Variants in DHRS7 observed in about 807,000 individuals in gnomAD.
DHRS7 encodes dehydrogenase/reductase SDR family member 7.
DHRS7 carries 34 observed loss-of-function variants against 38.9 expected under a neutral mutation model. That is an observed-to-expected ratio of 0.87 (90% CI 0.66 to 1.16). DHRS7 has a LOEUF of 1.16. Ranked by LOEUF, DHRS7 falls within the 50% of genes most tolerant of loss-of-function variation. DHRS7 has a pLI of 0.00. For missense variants in DHRS7, 421 were observed against 407.0 expected, an observed-to-expected ratio of 1.03 and a Z score of -0.30; for synonymous variants, 158 against 153.1, an observed-to-expected ratio of 1.03 and a Z score of -0.24.
intron 1 of DHRS7, chr14:60,159,465 T>C (rs1238754170): frequency 5.1e-6 from 1 of 197,178 alleles, no homozygotes; most frequent in Non-Finnish European, 1.1e-5. Context: ...TAGGCAACAT[T>C]CATAGCATAA....
At position 60,161,253 on chromosome 14, in the gene DHRS7, A is replaced by G. The variant is rs1018595381; in HGVS notation, c.133+3924T>C. ...TCCACTAATATAGCTTATGGTTATTAGAGCTGGGCTACCTTTAATCATGGA... is the reference window on the plus strand; with the variant it reads ...TCCACTAATATAGCTTATGGTTATTGGAGCTGGGCTACCTTTAATCATGGA... On this transcript the variant is annotated intron_variant, in intron 1 of 6. Coordinates refer to ENST00000557185, the MANE Select transcript of DHRS7 (RefSeq NM_016029.4). The surrounding 1 kb of genome is among the most constrained non-coding windows in gnomAD (Gnocchi z 4.2). Among the ~76,000 whole-genome samples the G allele has an allele frequency of 6.6e-6, 1 of 152,372 alleles. No homozygotes were observed. Among genetic ancestry groups the G allele is most frequent in the African/African-American group, 2.4e-5 (1 of 41,600 alleles).
In DHRS7 at chr14:60,165,156, G is replaced by A; in HGVS notation, c.133+21C>T. ...TCCGAGCCCGGCCTCCCACTCGGGAGAGGCTTTGGCCGGTCCTCACCTGGG... is the reference window on the plus strand; with the variant it reads ...TCCGAGCCCGGCCTCCCACTCGGGAAAGGCTTTGGCCGGTCCTCACCTGGG... On this transcript the variant is annotated intron_variant, in intron 1 of 6. Coordinates refer to ENST00000557185, the MANE Select transcript of DHRS7 (RefSeq NM_016029.4). This position sits in a 1 kb window ranked among gnomAD's most constrained non-coding sequence, Gnocchi z 4.6. 6.2e-7 allele frequency: 1 copy of A among 1,611,068 alleles called. No individual in the cohort carries two copies.
At position 60,161,942 on chromosome 14, in the gene DHRS7, A is replaced by T. The variant is rs76093367; in HGVS notation, c.133+3235T>A. Reference sequence around the variant, plus strand: ...TGATCTTTTCTGGCAGCCACTTCACAGTTGACTCCTATTGAGGTTACTGTT... The same window carrying T: ...TGATCTTTTCTGGCAGCCACTTCACTGTTGACTCCTATTGAGGTTACTGTT... On this transcript the variant is annotated intron_variant, in intron 1 of 6. Coordinates refer to ENST00000557185, the MANE Select transcript of DHRS7 (RefSeq NM_016029.4). This position sits in a 1 kb window ranked among gnomAD's most constrained non-coding sequence, Gnocchi z 4.2. 1.7e-3 allele frequency among the ~76,000 whole-genome samples: 253 copies of T among 152,310 alleles called. 4 individuals carry two copies. In the East Asian group the frequency reaches 0.042, roughly 25 times the overall value.
Position 60,156,338 on chromosome 14 carries a change from A to G in DHRS7, c.134-186T>C, listed in dbSNP as rs952445006. Among the ~76,000 whole-genome samples, 3 of 152,246 alleles carry G rather than the reference A, an allele frequency of 2.0e-5. 1 individual carries two copies. Among genetic ancestry groups the G allele is most frequent in the South Asian group, 4.1e-4 (2 of 4,820 alleles). On this transcript the variant is annotated intron_variant, in intron 1 of 6. Transcript: ENST00000557185. ...TTAACTAAAAAAAAAAAAAAGCATT[A>G]ATACAAATCATACTAGTAACAGTTA...
At chr14:60,154,345 G>A (rs1468542121) in intron 2 of DHRS7, among the ~76,000 whole-genome samples, 1 of 152,018 alleles carries the variant, frequency 6.6e-6, no homozygotes, top group African/African-American at 2.4e-5. Flanking sequence ...CTAGAAAAGA[G>A]CAAATATTTT....
In DHRS7 at chr14:60,156,098, C is replaced by A; in HGVS notation, c.188G>T (p.Gly63Val). The change falls in exon 2 of 7, where the codon GGT becomes GTT. Residue 63 changes from glycine to valine, a missense_variant. Transcript: ENST00000557185. ...AGACAACTGGTAAGCCAGCTCCTCA[C>A]CAATTCCACTCGAGGCTCCAGTCAC... ...VWVTGASSGI[G>V]EELAYQLSKL... 6.2e-7 allele frequency: 1 copy of A among 1,602,480 alleles called. No individual in the cohort carries two copies. The highest frequency in any genetic ancestry group is 8.5e-7 in the Non-Finnish European group (1 of 1,174,260).
Position 60,165,395 on chromosome 14 carries a change from C to G in DHRS7, c.-86G>C. 1 of 1,498,900 alleles carries G rather than the reference C, an allele frequency of 6.7e-7. No homozygotes were observed. The highest frequency in any genetic ancestry group is 2.5e-5 in the East Asian group (1 of 40,614). 92.9% of individuals were successfully genotyped at this position (1,498,900 alleles called of 1,614,324 possible). A position where few individuals can be genotyped will look rare whatever the true frequency, so the allele number is the denominator to read the frequency against. ...GCCCTGCGGGATCGCAGCGCCACCC[C>G]TTCGGCCAGCCCAGAGCCGCACTGC... On this transcript the variant is annotated 5_prime_UTR_variant, in exon 1 of 7. Transcript: ENST00000557185. This position sits in a 1 kb window ranked among gnomAD's most constrained non-coding sequence, Gnocchi z 4.6.
In DHRS7 at chr14:60,149,399, G is replaced by T. The variant is rs1319741724; in HGVS notation, c.926C>A (p.Thr309Asn). The part of the protein sequence containing the change: ...QYMPTWAWWI[T>N]NKMGKKRIEN... ...AATCCTTTTCTTCCCCATCTTGTTGGTTATCCACCAGGCCCAGGTTGGCAT... is the reference window on the plus strand; with the variant it reads ...AATCCTTTTCTTCCCCATCTTGTTGTTTATCCACCAGGCCCAGGTTGGCAT... The change falls in exon 6 of 7, where the codon ACC becomes AAC. Residue 309 changes from threonine (T) to asparagine (N), a missense_variant. Coordinates refer to ENST00000557185, the MANE Select transcript of DHRS7 (RefSeq NM_016029.4). 1 of 1,614,064 alleles carries T rather than the reference G, an allele frequency of 6.2e-7. No individual in the cohort carries two copies. Among genetic ancestry groups the T allele is most frequent in the Non-Finnish European group, 8.5e-7 (1 of 1,180,012 alleles).
At chr14:60,159,111 C>A in intron 1 of DHRS7, 1 of 434,790 alleles carries the variant, frequency 2.3e-6, no homozygotes, top group Non-Finnish European at 4.6e-6. Flanking sequence ...GCAGTTGATG[C>A]TGAAAATCAT....
At chr14:60,168,547 G>A, upstream of DHRS7, 1 of 1,009,130 alleles carries the variant, frequency 9.9e-7, no homozygotes, top group South Asian at 1.9e-5. Flanking sequence ...TTCCATCTTT[G>A]CAACTTCCTG....
chr14:60,163,583 CT>C (rs1896805793), intron 1 of DHRS7, among the ~76,000 whole-genome samples: 1 of 152,156 alleles, frequency 6.6e-6, no homozygotes, highest in Non-Finnish European at 1.5e-5. Context: ...TCAAACTGTT[CT>C]TTTCCGACAA....
In DHRS7 at chr14:60,149,493, C is replaced by T. The variant is rs1318913718; in HGVS notation, c.832G>A (p.Ala278Thr). 2 of 1,614,102 alleles carry T rather than the reference C, an allele frequency of 1.2e-6. No homozygotes were observed. Among genetic ancestry groups the T allele is most frequent in the Non-Finnish European group, 1.7e-6 (2 of 1,179,996 alleles). Residue 278 changes from alanine (A) to threonine (T), a missense_variant, in exon 6 of 7, where the codon GCC becomes ACC. Coordinates refer to ENST00000557185, the MANE Select transcript of DHRS7 (RefSeq NM_016029.4). ...RCVRLMLISM[A>T]NDLKEVWISE... ...ATCCAAACTTCTTTCAAATCATTGG[C>T]CATGCTGATTAACATCAGCCGCACA...
Position 60,144,568 on chromosome 14 carries a change from A to G in DHRS7, c.*398T>C. ...AAGCAGAGATCAGCCTTCACCAGAC[A>G]CTAATTCTGCTGGTGCATTGGTCTT... On this transcript the variant is annotated 3_prime_UTR_variant, in exon 7 of 7. Coordinates refer to ENST00000557185, the MANE Select transcript of DHRS7 (RefSeq NM_016029.4). 4.8e-6 allele frequency: 1 copy of G among 207,104 alleles called. No homozygotes were observed. The highest frequency in any genetic ancestry group is 9.6e-6 in the Non-Finnish European group (1 of 104,654). 12.8% of individuals were successfully genotyped at this position (207,104 alleles called of 1,614,324 possible). A position where few individuals can be genotyped will look rare whatever the true frequency, so the allele number is the denominator to read the frequency against.
intron 4 of DHRS7, among the ~76,000 whole-genome samples, chr14:60,151,422 A>G (rs1896542083): frequency 6.6e-6 from 1 of 152,160 alleles, no homozygotes; most frequent in Admixed American, 6.5e-5. Context: ...TACATTGTAT[A>G]TGATCCAAAA....
At chr14:60,168,701 G>A (rs1448325239), upstream of DHRS7, 3 of 1,565,458 alleles carry the variant, frequency 1.9e-6, no homozygotes, top group Admixed American at 1.9e-5. Flanking sequence ...GCCAGGACCA[G>A]CCTTGGAGAT....
chr14:60,165,675 T>C (rs759754610), upstream of DHRS7: 10 of 1,037,582 alleles, frequency 9.6e-6, no homozygotes, highest in Non-Finnish European at 1.2e-5. The surrounding 1 kb of genome is among the most constrained non-coding windows in gnomAD (Gnocchi z 4.6). Context: ...CTACATATTA[T>C]ACTACGTTAT....
chr14:60,163,215 G>T (rs1896799044), intron 1 of DHRS7, among the ~76,000 whole-genome samples: 1 of 151,844 alleles, frequency 6.6e-6, no homozygotes, highest in Admixed American at 6.6e-5. Context: ...TAGTTAATAA[G>T]CATATGACTA....
Position 60,160,593 on chromosome 14 carries a change from C to CG in DHRS7, c.134-4442dup, listed in dbSNP as rs140708744. On this transcript the variant is annotated intron_variant, in intron 1 of 6. Transcript: ENST00000557185. ...ACTAACCTGTTTTTTGGCGGGGGGA[C>CG]GGGGGGAGGGGACAAGGCCTGGCTC... Among the ~76,000 whole-genome samples, 460 of 140,800 alleles carry CG rather than the reference C, an allele frequency of 3.3e-3. 12 individuals are homozygous for CG. In the East Asian group the frequency reaches 0.054, roughly 17 times the overall value. The allele number at this position is 140,800 out of a possible 152,430, so 92.4% of individuals were successfully genotyped here. A position where few individuals can be genotyped will look rare whatever the true frequency, so the allele number is the denominator to read the frequency against.
Position 60,153,214 on chromosome 14 carries a change from G to A in DHRS7, c.394-36C>T, listed in dbSNP as rs768875539. 1 of 1,611,472 alleles carries A rather than the reference G, an allele frequency of 6.2e-7. No individual in the cohort carries two copies. Among genetic ancestry groups the A allele is most frequent in the South Asian group, 1.1e-5 (1 of 90,798 alleles). ...AAAATCAGAAAAGGGGTGTTTGGGG[G>A]ATGTCTTGTGGATAGATTGATGGAA... On this transcript the variant is annotated intron_variant, in intron 3 of 6. Transcript: ENST00000557185. The surrounding 1 kb of genome is among the most constrained non-coding windows in gnomAD (Gnocchi z 4.4).
Sources: allele counts gnomAD v4.1 joint callset (sites outside exome capture counted in the v4.1 genomes callset), GRCh38; gene constraint gnomAD v4.1.1; non-coding constraint Gnocchi (gnomAD v3.1); transcripts MANE v1.5; gene names NCBI Gene and HGNC (gene_info 2026-07-23, HGNC 2026-07-21).